Variants in DPP9 observed in about 807,000 individuals in gnomAD.
DPP9 encodes the protein dipeptidyl peptidase IV-related protein-2.
Under a neutral mutation model 110.7 loss-of-function variants are expected in DPP9, and 50 were observed. The ratio of observed to expected loss-of-function variants is 0.45; its 90% CI spans 0.36 to 0.57. The LOEUF (loss-of-function observed/expected upper bound fraction) is 0.57, where lower values mean the gene tolerates loss of function less well. Ranked by LOEUF, DPP9 falls within the 20% of genes least tolerant of loss-of-function variation. The pLI is 0.00. For synonymous variants in DPP9, 561 were observed against 514.4 expected (o/e 1.09, Z -1.23); for missense variants, 1,022 against 1,217.9 (o/e 0.84, Z 2.39).
chr19:4,685,084 G>A lies in DPP9; in HGVS notation c.2032-275C>T, dbSNP rs1472989895. On this transcript the variant is annotated intron_variant, in intron 17 of 21. Transcript: ENST00000262960. The surrounding 1 kb of genome is among the most constrained non-coding windows in gnomAD (Gnocchi z 5.8). ...CTGCCTGGAACAACTACTCTGGCAT[G>A]ATGGACATTGGGGTGGCTCCTTCTC... 9.5e-6 allele frequency: 6 copies of A among 630,156 alleles called. No homozygotes were observed. Among genetic ancestry groups the A allele is most frequent in the Non-Finnish European group, 1.8e-5 (6 of 339,068 alleles). The allele number at this position is 630,156 out of a possible 1,614,324, so 39.0% of individuals were successfully genotyped here. A position where few individuals can be genotyped will look rare whatever the true frequency, so the allele number is the denominator to read the frequency against.
At chr19:4,703,194 G>T (rs1473218511) in intron 7 of DPP9, among the ~76,000 whole-genome samples, 2 of 152,144 alleles carry the variant, frequency 1.3e-5, no homozygotes, top group African/African-American at 4.8e-5. Flanking sequence ...GAACACGCAG[G>T]AAGCAGGTGA....
At chr19:4,683,419 T>C (rs1157619824) in intron 19 of DPP9, 58 bp downstream of exon 19, 2 of 1,604,078 alleles carry the variant, frequency 1.2e-6, no homozygotes, top group East Asian at 2.2e-5. Context: ...AAACGCGGCG[T>C]AGATGGGGAA....
intron 4 of DPP9, among the ~76,000 whole-genome samples, chr19:4,711,758 G>A (rs1188930921): frequency 1.5e-5 from 2 of 129,180 alleles, no homozygotes; most frequent in Admixed American, 9.3e-5. Context: ...GGGTGACAGA[G>A]CGAGACTCCA....
Position 4,676,495 on chromosome 19 carries a change from C to T in DPP9, c.*69G>A, listed in dbSNP as rs1213419234. On this transcript the variant is annotated 3_prime_UTR_variant, in exon 22 of 22. Coordinates refer to ENST00000262960, the MANE Select transcript of DPP9 (RefSeq NM_139159.5). This position sits in a 1 kb window ranked among gnomAD's most constrained non-coding sequence, Gnocchi z 4.0. ...CTGGGGCCCGCGGGCCACTCAGTCCCTCCCGCCTGGTTCCCCGCGGAGGCT... is the reference window on the plus strand; with the variant it reads ...CTGGGGCCCGCGGGCCACTCAGTCCTTCCCGCCTGGTTCCCCGCGGAGGCT... The T allele has an allele frequency of 5.0e-6, 7 of 1,399,042 alleles. No individual in the cohort carries two copies. Among genetic ancestry groups the T allele is most frequent in the Non-Finnish European group, 6.9e-6 (7 of 1,009,338 alleles). The allele number at this position is 1,399,042 out of a possible 1,614,324, so 86.7% of individuals were successfully genotyped here.
intron 19 of DPP9, chr19:4,683,263 G>C: frequency 7.0e-7 from 1 of 1,437,086 alleles, no homozygotes; most frequent in Non-Finnish European, 9.1e-7. Flanking sequence ...TGTGCAGCCG[G>C]ATGCCATCCT....
In DPP9 at chr19:4,686,078, T is replaced by C. The variant is rs1443735985; in HGVS notation, c.1886-307A>G. On this transcript the variant is annotated intron_variant, in intron 16 of 21. Transcript: ENST00000262960. Reference sequence around the variant, plus strand: ...TATTTTTGCAAAGCAACAGTTGTTGTCCAATTAGGATGGTGGGGGTTTTTC... The same window carrying C: ...TATTTTTGCAAAGCAACAGTTGTTGCCCAATTAGGATGGTGGGGGTTTTTC... The C allele has an allele frequency of 2.2e-5, 5 of 230,554 alleles. No homozygotes were observed. The South Asian group carries it at 4.0e-4, about 18-fold the overall frequency. 14.3% of individuals were successfully genotyped at this position (230,554 alleles called of 1,614,324 possible). A position where few individuals can be genotyped will look rare whatever the true frequency, so the allele number is the denominator to read the frequency against.
intron 16 of DPP9, 174 bp downstream of exon 16, chr19:4,688,583 G>C (rs2091014745): frequency 1.2e-6 from 1 of 815,600 alleles, no homozygotes. Context: ...GGACGGCAGG[G>C]GCTGTGGCTT....
At position 4,716,553 on chromosome 19, in the gene DPP9, C is replaced by T. The variant is rs184918175; in HGVS notation, c.57-2216G>A. ...TCGGGAGGCTGAGGCAGGAGAATGGCGTGAACCCGGGAGGCGGAGCTTGCA... is the reference window on the plus strand; with the variant it reads ...TCGGGAGGCTGAGGCAGGAGAATGGTGTGAACCCGGGAGGCGGAGCTTGCA... On this transcript the variant is annotated intron_variant, in intron 3 of 21. Coordinates refer to ENST00000262960, the MANE Select transcript of DPP9 (RefSeq NM_139159.5). Among the ~76,000 whole-genome samples, 73 of 151,944 alleles carry T rather than the reference C, an allele frequency of 4.8e-4. 1 individual carries two copies. The East Asian group carries it at 9.1e-3, about 19-fold the overall frequency.
rs189872395 is a variant in DPP9, at chr19:4,716,615, C to T, written c.57-2278G>A. On this transcript the variant is annotated intron_variant, in intron 3 of 21. Transcript: ENST00000262960. ...TCGTGCCACTGCACTCCAGCCTGGG[C>T]GACAGAGTGAGACTCTGTCTCAGAA... 8.4e-3 allele frequency among the ~76,000 whole-genome samples: 1,262 copies of T among 149,964 alleles called. 19 individuals are homozygous for T. The highest frequency in any genetic ancestry group is 0.029 in the African/African-American group (1,181 of 40,690).
Position 4,703,893 on chromosome 19 carries a change from G to A in DPP9, c.762C>T (p.Cys254=). ...ETGEERRLTF[C]HQGLSNVLDD... ...AGGAGGGGCTGGCCCCACCTTGGTG[G>A]CAGAAGGTCAGCCGCCGCTCCTCGC... The change falls in exon 7 of 22, where the codon TGC becomes TGT. Residue 254 remains cysteine, a synonymous_variant. Transcript: ENST00000262960. 6.9e-6 allele frequency: 11 copies of A among 1,601,228 alleles called. No individual in the cohort carries two copies. Among genetic ancestry groups the A allele is most frequent in the Non-Finnish European group, 9.4e-6 (11 of 1,174,484 alleles).
chr19:4,713,782 C>G (rs551148044), intron 4 of DPP9, among the ~76,000 whole-genome samples: 2 of 152,164 alleles, frequency 1.3e-5, no homozygotes, highest in Non-Finnish European at 2.9e-5. Flanking sequence ...AAACAATCTC[C>G]GGGCTTGGAG....
rs1309548680 is a variant in DPP9 at position 4,684,767 on chromosome 19, G to A, written c.2074C>T (p.Arg692Trp). The change falls in exon 18 of 22, where the codon CGG (arginine) becomes TGG (tryptophan). Residue 692 changes from arginine to tryptophan, a missense_variant. Arg to Trp is a moderately radical substitution (Grantham distance 101). Coordinates refer to ENST00000262960, the MANE Select transcript of DPP9 (RefSeq NM_139159.5). The surrounding 1 kb of genome is among the most constrained non-coding windows in gnomAD (Gnocchi z 4.8). ...CCCAGGGAGGCCAGTGTGTTGAGCC[G>A]CAAGTACTTGATGCCTTTGAAGGAG... is the stretch of plus-strand genomic sequence containing the variant. Reference protein sequence around the residue: ...NNSFKGIKYLRLNTLASLGYA... With the variant: ...NNSFKGIKYLWLNTLASLGYA... 4 of 1,602,626 alleles carry A rather than the reference G, an allele frequency of 2.5e-6. No individual in the cohort carries two copies. Among genetic ancestry groups the A allele is most frequent in the Admixed American group, 3.5e-5 (2 of 57,952 alleles).
rs947135926 is a variant in DPP9, at chr19:4,689,679, G to A, written c.1640C>T (p.Thr547Ile). ...EETKLVYFQG[T>I]KDTPLEHHLY... ...GTGGTGCTCCAGCGGCGTGTCCTTG[G>A]TGCCCTGGAAGTACACCAGCTTGGT... is the stretch of plus-strand genomic sequence containing the variant. Residue 547 changes from threonine (T) to isoleucine (I), a missense_variant, in exon 15 of 22, where the codon ACC becomes ATC. Coordinates refer to ENST00000262960, the MANE Select transcript of DPP9 (RefSeq NM_139159.5). This position sits in a 1 kb window ranked among gnomAD's most constrained non-coding sequence, Gnocchi z 7.0. 2 of 1,558,594 alleles carry A rather than the reference G, an allele frequency of 1.3e-6. No homozygotes were observed.
rs760255304 is a variant in DPP9 at position 4,685,775 on chromosome 19, C to T, written c.1886-4G>A. On this transcript the variant is annotated splice_region_variant and splice_polypyrimidine_tract_variant and intron_variant, in intron 16 of 21. Coordinates refer to ENST00000262960, the MANE Select transcript of DPP9 (RefSeq NM_139159.5). The surrounding 1 kb of genome is among the most constrained non-coding windows in gnomAD (Gnocchi z 5.8). ...GGAACATAATCCGGGGGGCAGCCTGCGGGAGACAGGGCGGCTATCTGGCTG... is the reference window on the plus strand; with the variant it reads ...GGAACATAATCCGGGGGGCAGCCTGTGGGAGACAGGGCGGCTATCTGGCTG... 2.6e-5 allele frequency: 42 copies of T among 1,611,908 alleles called. No individual in the cohort carries two copies. Among genetic ancestry groups the T allele is most frequent in the Non-Finnish European group, 3.3e-5 (39 of 1,179,628 alleles).
At position 4,702,160 on chromosome 19, in the gene DPP9, G is replaced by A; in HGVS notation, c.884-5C>T. The A allele has an allele frequency of 6.2e-7, 1 of 1,605,574 alleles. No homozygotes were observed. The highest frequency in any genetic ancestry group is 8.5e-7 in the Non-Finnish European group (1 of 1,174,638). On this transcript the variant is annotated splice_region_variant and splice_polypyrimidine_tract_variant and intron_variant, in intron 8 of 21. Coordinates refer to ENST00000262960, the MANE Select transcript of DPP9 (RefSeq NM_139159.5). ...GCGTCTTGAGGCCCTCTGAACCTTG[G>A]GTGGGGTGGTGGAAAAACTGCTGAG...
intron 10 of DPP9, 119 bp from the exon 11 acceptor site, chr19:4,697,770 CCCCCAGAA>C: frequency 2.7e-6 from 2 of 744,918 alleles, no homozygotes; most frequent in Non-Finnish European, 4.4e-6. Context: ...GGAGTCTCAG[CCCCCAGAA>C]CCCCAGAACG....
chr19:4,714,567 C>T (rs886809924), intron 3 of DPP9, among the ~76,000 whole-genome samples: 2 of 152,012 alleles, frequency 1.3e-5, no homozygotes, highest in Non-Finnish European at 2.9e-5. Context: ...AAACATTCTT[C>T]TTTTTGGAGA....
chr19:4,698,017 C>T lies in DPP9; in HGVS notation c.1075-366G>A, dbSNP rs187666037. ...GCTTGGTGTTGGACATTATCAATTTCGGCCGTGTAAGCCTCCCAGTCTGTG... is the reference window on the plus strand; with the variant it reads ...GCTTGGTGTTGGACATTATCAATTTTGGCCGTGTAAGCCTCCCAGTCTGTG... On this transcript the variant is annotated intron_variant, in intron 10 of 21. Transcript: ENST00000262960. This position sits in a 1 kb window ranked among gnomAD's most constrained non-coding sequence, Gnocchi z 4.2. Among the ~76,000 whole-genome samples, 96 of 151,816 alleles carry T rather than the reference C, an allele frequency of 6.3e-4. No individual in the cohort carries two copies. Among genetic ancestry groups the T allele is most frequent in the African/African-American group, 2.0e-3 (83 of 41,542 alleles).
In DPP9 at chr19:4,685,803, C is replaced by T. The variant is rs536853185; in HGVS notation, c.1886-32G>A. On this transcript the variant is annotated intron_variant, in intron 16 of 21. Coordinates refer to ENST00000262960, the MANE Select transcript of DPP9 (RefSeq NM_139159.5). This position sits in a 1 kb window ranked among gnomAD's most constrained non-coding sequence, Gnocchi z 5.8. ...GAGACAGGGCGGCTATCTGGCTGCC[C>T]GGGGAAGCCACATCCAGCTGACACC... 6.9e-6 allele frequency: 11 copies of T among 1,604,860 alleles called. No homozygotes were observed. The highest frequency in any genetic ancestry group is 1.1e-5 in the South Asian group (1 of 90,264).
Sources: allele counts gnomAD v4.1 joint callset (sites outside exome capture counted in the v4.1 genomes callset), GRCh38; gene constraint gnomAD v4.1.1; non-coding constraint Gnocchi (gnomAD v3.1); transcripts MANE v1.5; gene names NCBI Gene and HGNC (gene_info 2026-07-23, HGNC 2026-07-21).